Variants in SLC25A48 observed in about 807,000 individuals in gnomAD.
The protein encoded by SLC25A48 is CTC-321K16.1.
Under a neutral mutation model 32.2 loss-of-function variants are expected in SLC25A48, and 29 were observed. That is an observed-to-expected ratio of 0.90 (90% confidence interval 0.67 to 1.23). The LOEUF (loss-of-function observed/expected upper bound fraction) is 1.23. Among genes scored for constraint, SLC25A48 ranks in the 50% most tolerant of loss-of-function variants. The probability of loss-of-function intolerance (pLI) is 0.00; values close to 1 mark genes in which losing one functional copy is unlikely to be tolerated. For missense variants in SLC25A48, 399 were observed against 422.7 expected (o/e 0.94, Z 0.49); for synonymous variants, 164 against 172.3 (o/e 0.95, Z 0.38).
intron 3 of SLC25A48, among the ~76,000 whole-genome samples, chr5:135,772,591 G>T (rs1033514421): frequency 1.3e-5 from 2 of 151,510 alleles, no homozygotes; most frequent in African/African-American, 4.8e-5. Context: ...ATATCGCAGG[G>T]GGTGTACAGA....
chr5:135,652,067 C>A (rs1753127654), intron 3 of SLC25A48, among the ~76,000 whole-genome samples: 1 of 152,246 alleles, frequency 6.6e-6, no homozygotes, highest in African/African-American at 2.4e-5. Context: ...CACCCTAGTG[C>A]TTGCTCAATG....
intron 3 of SLC25A48, among the ~76,000 whole-genome samples, chr5:135,704,384 A>G (rs1754462799): frequency 6.6e-6 from 1 of 152,206 alleles, no homozygotes; most frequent in Non-Finnish European, 1.5e-5. Flanking sequence ...TCAGCAGCAT[A>G]GATACTTTTG....
At chr5:135,760,592 G>T (rs181735263) in intron 3 of SLC25A48, among the ~76,000 whole-genome samples, 2 of 152,332 alleles carry the variant, frequency 1.3e-5, no homozygotes, top group East Asian at 3.9e-4. Context: ...GCTCAGCTGG[G>T]CTCCAGGTCA....
chr5:135,688,846 A>G (rs1754078767), intron 3 of SLC25A48, among the ~76,000 whole-genome samples: 1 of 152,196 alleles, frequency 6.6e-6, no homozygotes, highest in Non-Finnish European at 1.5e-5. Flanking sequence ...CTGGGAGTCA[A>G]TGTCAATGGG....
In SLC25A48 at chr5:135,721,192, C is replaced by A. The variant is rs1460315246; in HGVS notation, c.-521+86236C>A. 5.6e-5 allele frequency among the ~76,000 whole-genome samples: 3 copies of A among 53,866 alleles called. No individual in the cohort carries two copies. The East Asian group carries it at 1.2e-3, about 22-fold the overall frequency. 35.3% of individuals were successfully genotyped at this position (53,866 alleles called of 152,430 possible). On this transcript the variant is annotated intron_variant, in intron 3 of 10. Coordinates refer to the SLC25A48 transcript ENST00000646290. ...GAGTAGCTGGGACACCATGCCTGGC[C>A]TTTTTTTTTTTTTTTTTTTTTTTTT...
chr5:135,689,664 T>A (rs925042244), intron 3 of SLC25A48, among the ~76,000 whole-genome samples: 1 of 152,158 alleles, frequency 6.6e-6, no homozygotes, highest in Admixed American at 6.5e-5. Context: ...GTCCTAAAAC[T>A]CCATTGTGCC....
At chr5:135,865,827 G>A (rs1386991485) in intron 4 of SLC25A48, among the ~76,000 whole-genome samples, 3 of 152,214 alleles carry the variant, frequency 2.0e-5, no homozygotes, top group Non-Finnish European at 2.9e-5. Flanking sequence ...CCATCGAACA[G>A]CAGCTGTACT....
At chr5:135,660,366 T>C (rs1290288030) in intron 3 of SLC25A48, among the ~76,000 whole-genome samples, 1 of 152,166 alleles carries the variant, frequency 6.6e-6, no homozygotes, top group Non-Finnish European at 1.5e-5. Context: ...TGACAACCAC[T>C]ACTATGGTCT....
At chr5:135,818,054 C>CCTCTCTCTCT (rs58632457) in intron 4 of SLC25A48, among the ~76,000 whole-genome samples, 2 of 80,666 alleles carry the variant, frequency 2.5e-5, no homozygotes, top group African/African-American at 5.2e-5. Flanking sequence ...TCTCTCTGTT[C>CCTCTCTCTCT]CTCTCTCTCT....
At chr5:135,632,049 T>C (rs374499175) in intron 2 of SLC25A48, among the ~76,000 whole-genome samples, 9 of 152,294 alleles carry the variant, frequency 5.9e-5, no homozygotes, top group African/African-American at 2.2e-4. Flanking sequence ...AGGATGAGGA[T>C]GAAAGAGGTG....
intron 1 of SLC25A48, among the ~76,000 whole-genome samples, chr5:135,584,585 A>C (rs1264985469): frequency 6.6e-6 from 1 of 152,268 alleles, no homozygotes; most frequent in African/African-American, 2.4e-5. Flanking sequence ...AGTTATATTT[A>C]TAGTATGGTA....
intron 3 of SLC25A48, among the ~76,000 whole-genome samples, chr5:135,681,815 G>A (rs1471667379): frequency 6.6e-6 from 1 of 152,034 alleles, no homozygotes; most frequent in Non-Finnish European, 1.5e-5. Flanking sequence ...TCGTTAATGA[G>A]GCAATGCCCT....
chr5:135,842,914 C>A (rs1759125034), intron 2 of SLC25A48, among the ~76,000 whole-genome samples: 1 of 152,254 alleles, frequency 6.6e-6, no homozygotes, highest in South Asian at 2.1e-4. Context: ...TAGAGCTATG[C>A]TCTGGGAACG....
At chr5:135,801,903 C>T (rs1212683178) in intron 3 of SLC25A48, among the ~76,000 whole-genome samples, 1 of 151,624 alleles carries the variant, frequency 6.6e-6, no homozygotes, top group African/African-American at 2.4e-5. Context: ...TACACCCTCT[C>T]TGATACTTTT....
chr5:135,634,258 C>T (rs1014515751), intron 2 of SLC25A48, among the ~76,000 whole-genome samples: 3 of 152,210 alleles, frequency 2.0e-5, no homozygotes, highest in Non-Finnish European at 4.4e-5. Flanking sequence ...ACGATGCTGG[C>T]ACAGGGTCCA....
chr5:135,769,549 T>A (rs1756345350), intron 3 of SLC25A48, among the ~76,000 whole-genome samples: 1 of 151,712 alleles, frequency 6.6e-6, no homozygotes, highest in Admixed American at 6.6e-5. Flanking sequence ...GTATTGTTTG[T>A]AATATTCAGG....
chr5:135,817,355 A>G (rs1208838359), intron 4 of SLC25A48, among the ~76,000 whole-genome samples: 1 of 152,268 alleles, frequency 6.6e-6, no homozygotes, highest in Non-Finnish European at 1.5e-5. Context: ...GTAGAGATCA[A>G]TGGAACAGAA....
intron 3 of SLC25A48, among the ~76,000 whole-genome samples, chr5:135,708,699 G>A (rs1242977705): frequency 6.6e-6 from 1 of 152,230 alleles, no homozygotes; most frequent in East Asian, 1.9e-4. Context: ...AATGGAAGAA[G>A]TGGTTGCTGT....
At chr5:135,842,832 CGA>C (rs1759120124) in intron 2 of SLC25A48, among the ~76,000 whole-genome samples, 1 of 152,178 alleles carries the variant, frequency 6.6e-6, no homozygotes, top group Admixed American at 6.5e-5. Flanking sequence ...AACTGAGGTG[CGA>C]GATGCTGCAA....
Sources: allele counts gnomAD v4.1 joint callset (sites outside exome capture counted in the v4.1 genomes callset), GRCh38; gene constraint gnomAD v4.1.1; transcripts MANE v1.5; gene names NCBI Gene and HGNC (gene_info 2026-07-23, HGNC 2026-07-21).